LRP1B: variants seen among roughly 807,000 people sequenced by gnomAD.
LRP1B encodes the protein LDL receptor related protein 1B, also known as low-density lipoprotein receptor-related protein 1B.
In LRP1B, 217 loss-of-function variants were observed where a neutral mutation model predicts 556.6. That is an observed-to-expected ratio of 0.39 (90% confidence interval 0.35 to 0.44). The LOEUF is 0.44. LRP1B is among the 20% of genes least tolerant of loss of function. The pLI is 1.00. For synonymous variants in LRP1B, 2,047 were observed against 1,865.8 expected (o/e 1.10, Z -2.50); for missense variants, 5,053 against 5,620.8 (o/e 0.90, Z 3.23).
intron 7 of LRP1B, among the ~76,000 whole-genome samples, chr2:141,150,806 G>A (rs1701901993): frequency 6.7e-6 from 1 of 149,192 alleles, no homozygotes; most frequent in Admixed American, 6.7e-5. Context: ...TTTATTTCTG[G>A]TCCACACATT....
intron 3 of LRP1B, among the ~76,000 whole-genome samples, chr2:141,472,917 T>C (rs1307679037): frequency 1.3e-5 from 2 of 152,172 alleles, no homozygotes; most frequent in Non-Finnish European, 2.9e-5. Context: ...TCATCAAAGA[T>C]GTAAATCTAT....
At chr2:141,106,473 T>C (rs1394908254) in intron 7 of LRP1B, among the ~76,000 whole-genome samples, 2 of 152,030 alleles carry the variant, frequency 1.3e-5, no homozygotes, top group African/African-American at 4.8e-5. Flanking sequence ...AGAGTGAAGA[T>C]CACCTGGTGA....
chr2:141,784,963 AT>A (rs1448637667), intron 2 of LRP1B, among the ~76,000 whole-genome samples: 1 of 151,978 alleles, frequency 6.6e-6, no homozygotes, highest in Non-Finnish European at 1.5e-5. Context: ...GTGGATAGAT[AT>A]GGCAGTGGTA....
At chr2:141,405,022 G>A (rs1250839106) in intron 3 of LRP1B, among the ~76,000 whole-genome samples, 1 of 151,890 alleles carries the variant, frequency 6.6e-6, no homozygotes, top group African/African-American at 2.4e-5. Context: ...AACTCGGGGC[G>A]GCAGAGCTTG....
chr2:140,781,257 C>G (rs893263080), intron 32 of LRP1B, among the ~76,000 whole-genome samples: 1 of 152,148 alleles, frequency 6.6e-6, no homozygotes, highest in Non-Finnish European at 1.5e-5. Context: ...GAATCTAAGA[C>G]CCCAACTGTC....
intron 76 of LRP1B, among the ~76,000 whole-genome samples, chr2:140,352,510 T>A (rs1682014223): frequency 6.6e-6 from 1 of 152,124 alleles, no homozygotes; most frequent in Admixed American, 6.6e-5. Flanking sequence ...TATTGGTAAG[T>A]GGAGGACTTC....
At chr2:141,160,591 T>C (rs546879721) in intron 7 of LRP1B, among the ~76,000 whole-genome samples, 4 of 152,070 alleles carry the variant, frequency 2.6e-5, no homozygotes, top group Admixed American at 2.0e-4. Context: ...ACACCACTGA[T>C]GTACACAAAA....
intron 2 of LRP1B, among the ~76,000 whole-genome samples, chr2:141,682,563 C>T (rs143560740): frequency 1.3e-5 from 2 of 152,232 alleles, no homozygotes; most frequent in African/African-American, 4.8e-5. Context: ...TTTCCCTCAA[C>T]TTTCATATAA....
chr2:141,457,652 T>G (rs113510678), intron 3 of LRP1B, among the ~76,000 whole-genome samples: 262 of 152,180 alleles, frequency 1.7e-3, no homozygotes, highest in African/African-American at 5.9e-3. Flanking sequence ...GACATGTCTG[T>G]GGGGGCACCT....
chr2:140,540,897 C>T lies in LRP1B; in HGVS notation c.7513+76G>A. 14 of 1,473,964 alleles carry T rather than the reference C, an allele frequency of 9.5e-6. No individual in the cohort carries two copies. The South Asian group carries it at 1.6e-4, about 17-fold the overall frequency. 91.3% of individuals were successfully genotyped at this position (1,473,964 alleles called of 1,614,324 possible). A position where few individuals can be genotyped will look rare whatever the true frequency, so the allele number is the denominator to read the frequency against. On this transcript the variant is annotated intron_variant, in intron 45 of 90. Transcript: ENST00000389484. ...AGAAGAGAGTATAACTTCATGAATA[C>T]ACTAACACAATTTCAGTGATGTGTG...
At chr2:140,439,740 G>T (rs1686341686) in intron 66 of LRP1B, among the ~76,000 whole-genome samples, 1 of 151,818 alleles carries the variant, frequency 6.6e-6, no homozygotes, top group Admixed American at 6.6e-5. Flanking sequence ...TCTATTCAAA[G>T]GCTCCTTAAA....
At chr2:141,600,312 A>G (rs757240135) in intron 2 of LRP1B, among the ~76,000 whole-genome samples, 3 of 152,176 alleles carry the variant, frequency 2.0e-5, no homozygotes, top group South Asian at 2.1e-4. Context: ...TGGGAACCAG[A>G]TAATTTTAAA....
At chr2:142,016,409 C>T (rs1035802555) in intron 1 of LRP1B, among the ~76,000 whole-genome samples, 2 of 152,096 alleles carry the variant, frequency 1.3e-5, no homozygotes, top group African/African-American at 4.8e-5. Flanking sequence ...TTCACAATAG[C>T]AAAGACTTGG....
intron 3 of LRP1B, among the ~76,000 whole-genome samples, chr2:141,306,027 T>A (rs1686574438): frequency 6.6e-6 from 1 of 152,178 alleles, no homozygotes; most frequent in Non-Finnish European, 1.5e-5. Context: ...CTATGTTTTT[T>A]AGGAATTGGC....
intron 85 of LRP1B, among the ~76,000 whole-genome samples, chr2:140,271,114 C>G (rs997912077): frequency 7.9e-5 from 12 of 151,834 alleles, no homozygotes; most frequent in Admixed American, 5.3e-4. Flanking sequence ...CTGGGAAAAA[C>G]GCAGACATTT....
intron 1 of LRP1B, among the ~76,000 whole-genome samples, chr2:142,013,302 C>T (rs1472958776): frequency 2.0e-5 from 3 of 152,042 alleles, no homozygotes; most frequent in South Asian, 2.1e-4. Context: ...ACTCTTAAAA[C>T]TGTATAAGCA....
chr2:141,510,338 C>G (rs151144507), intron 2 of LRP1B, among the ~76,000 whole-genome samples: 3 of 151,726 alleles, frequency 2.0e-5, no homozygotes, highest in East Asian at 1.9e-4. Context: ...TTCCTAAAAC[C>G]CTTTTTTACA....
intron 3 of LRP1B, among the ~76,000 whole-genome samples, chr2:141,285,209 T>C (rs564670360): frequency 6.6e-6 from 1 of 151,304 alleles, no homozygotes; most frequent in East Asian, 2.0e-4. Context: ...GCGACTCTCC[T>C]GCCTCAGCCT....
intron 2 of LRP1B, among the ~76,000 whole-genome samples, chr2:141,773,466 G>A (rs1694964764): frequency 6.6e-6 from 1 of 152,176 alleles, no homozygotes; most frequent in Non-Finnish European, 1.5e-5. Context: ...AAAGCTTCAG[G>A]GGACCCCAAA....
Sources: gnomAD v4.1 joint callset for allele counts (sites outside exome capture counted in the v4.1 genomes callset) on GRCh38, gnomAD v4.1.1 for gene constraint, MANE v1.5 for transcripts, NCBI Gene and HGNC (gene_info 2026-07-23, HGNC 2026-07-21) for gene names.